CSMD1: variants seen among roughly 807,000 people sequenced by gnomAD.
CSMD1 encodes the protein CUB and Sushi multiple domains 1, also known as CUB and sushi domain-containing protein 1.
CSMD1 carries 213 observed loss-of-function variants against 417.5 expected under a neutral mutation model. The ratio of observed to expected loss-of-function variants is 0.51; its 90% CI spans 0.46 to 0.57. The LOEUF (loss-of-function observed/expected upper bound fraction) is 0.57, where lower values mean the gene tolerates loss of function less well. Among genes scored for constraint, CSMD1 ranks in the 20% least tolerant of loss-of-function variants. The pLI is 0.00. For synonymous variants in CSMD1, 2,862 were observed against 1,736.8 expected (o/e 1.65, Z -16.11); for missense variants, 6,923 against 4,529.7 (o/e 1.53, Z -15.17).
At chr8:3,809,072 G>A (rs936307893) in intron 5 of CSMD1, among the ~76,000 whole-genome samples, 1 of 152,142 alleles carries the variant, frequency 6.6e-6, no homozygotes, top group South Asian at 2.1e-4. Context: ...GGGGAATCAC[G>A]CAGCTTCTAT....
At chr8:4,246,591 G>T (rs971415941) in intron 3 of CSMD1, among the ~76,000 whole-genome samples, 2 of 152,160 alleles carry the variant, frequency 1.3e-5, no homozygotes, top group Admixed American at 6.5e-5. Context: ...TTCTCCTGTA[G>T]AATTTGATAT....
chr8:3,108,477 C>A (rs1238225723), intron 44 of CSMD1, 126 bp downstream of exon 44: 7 of 934,212 alleles, frequency 7.5e-6, no homozygotes, highest in Non-Finnish European at 1.1e-5. Context: ...GCCTCCAGTG[C>A]AAAAGAATCA....
chr8:4,323,811 G>A (rs908063825), intron 3 of CSMD1, among the ~76,000 whole-genome samples: 9 of 152,136 alleles, frequency 5.9e-5, no homozygotes, highest in Non-Finnish European at 1.2e-4. Flanking sequence ...TAAAGGATGG[G>A]CAGCTCCTAA....
intron 5 of CSMD1, among the ~76,000 whole-genome samples, chr8:3,845,499 G>C (rs1178614618): frequency 1.3e-5 from 2 of 152,174 alleles, no homozygotes. Flanking sequence ...TGCTACACCT[G>C]TACAGGGTAC....
At chr8:2,967,675 C>T (rs989401737) in intron 57 of CSMD1, among the ~76,000 whole-genome samples, 1 of 152,164 alleles carries the variant, frequency 6.6e-6, no homozygotes, top group Non-Finnish European at 1.5e-5. Flanking sequence ...TATCATGAGA[C>T]TGCCTCTGAG....
chr8:3,032,289 C>T (rs1029834452), intron 50 of CSMD1, among the ~76,000 whole-genome samples: 23 of 151,976 alleles, frequency 1.5e-4, no homozygotes, highest in Non-Finnish European at 2.2e-4. Flanking sequence ...TACTCTGTGA[C>T]GTAATTTGGG....
At chr8:3,822,695 C>T (rs1481534390) in intron 5 of CSMD1, among the ~76,000 whole-genome samples, 1 of 152,156 alleles carries the variant, frequency 6.6e-6, no homozygotes, top group Non-Finnish European at 1.5e-5. Context: ...CAATGACTTC[C>T]TCCTGGGCAG....
At chr8:4,471,252 T>A (rs1315318826) in intron 2 of CSMD1, among the ~76,000 whole-genome samples, 8 of 152,174 alleles carry the variant, frequency 5.3e-5, no homozygotes, top group Non-Finnish European at 8.8e-5. Context: ...AATGGTGTCC[T>A]ACTTAAAAAA....
rs1563152267 is a variant in CSMD1 at position 3,558,376 on chromosome 8, A to AATG, written c.1344+16568_1344+16569insCAT. Among the ~76,000 whole-genome samples, 773 of 138,826 alleles carry AATG rather than the reference A, an allele frequency of 5.6e-3. 37 individuals are homozygous for AATG. Among genetic ancestry groups the AATG allele is most frequent in the East Asian group, 0.013 (62 of 4,708 alleles). The allele number at this position is 138,826 out of a possible 152,430, so 91.1% of individuals were successfully genotyped here. On this transcript the variant is annotated intron_variant, in intron 10 of 69. Transcript: ENST00000635120. Reference sequence around the variant, plus strand: ...CTCCTCCAATGATGAATGGTGCCTCAGTAGTACCCCGTGTCCACTTCTCCA... The same window carrying AATG: ...CTCCTCCAATGATGAATGGTGCCTCAATGGTAGTACCCCGTGTCCACTTCTCCA...
At chr8:3,705,702 G>C (rs191590065) in intron 7 of CSMD1, among the ~76,000 whole-genome samples, 148 of 152,332 alleles carry the variant, frequency 9.7e-4, no homozygotes, top group African/African-American at 3.4e-3. Context: ...AAAACCCTTA[G>C]TTGGGGAAAG....
intron 3 of CSMD1, among the ~76,000 whole-genome samples, chr8:4,094,007 T>TAGATAGATAGAC (rs1554445870): frequency 1.2e-4 from 18 of 150,942 alleles, no homozygotes; most frequent in Admixed American, 2.0e-4. Flanking sequence ...GATAGATAGA[T>TAGATAGATAGAC]AGATAAAGAA....
intron 5 of CSMD1, among the ~76,000 whole-genome samples, chr8:3,918,048 A>G (rs913899134): frequency 1.3e-5 from 2 of 152,028 alleles, no homozygotes; most frequent in African/African-American, 4.8e-5. Context: ...TTAAGGGGTG[A>G]GTAATATTTC....
rs1423841483 is a variant in CSMD1, at chr8:4,178,161, G to C, written c.416-146062C>G. On this transcript the variant is annotated intron_variant, in intron 3 of 69. Transcript: ENST00000635120. The stretch of plus-strand genomic sequence containing the variant: ...ATTTTAGACCAATATCCTTGATGCA[G>C]ATTGATGCAGAAACCCTCAATACGA... Among the ~76,000 whole-genome samples the C allele has an allele frequency of 1.6e-4, 25 of 152,190 alleles. No individual in the cohort carries two copies. In the South Asian group the frequency reaches 1.9e-3, roughly 11 times the overall value.
chr8:4,841,930 A>AAAAAAAAAAAAAC (rs1192383183), intron 1 of CSMD1, among the ~76,000 whole-genome samples: 1 of 122,426 alleles, frequency 8.2e-6, no homozygotes, highest in African/African-American at 3.3e-5. Context: ...AAAAAAAAAA[A>AAAAAAAAAAAAAC]AAAAAAAAGT....
chr8:4,248,549 T>C (rs546361018), intron 3 of CSMD1, among the ~76,000 whole-genome samples: 20 of 152,326 alleles, frequency 1.3e-4, no homozygotes, highest in African/African-American at 4.6e-4. Flanking sequence ...CATAGACACA[T>C]TCTATTTCTC....
chr8:4,417,809 A>C (rs556611390), intron 3 of CSMD1, among the ~76,000 whole-genome samples: 13 of 151,952 alleles, frequency 8.6e-5, no homozygotes, highest in Non-Finnish European at 1.6e-4. Flanking sequence ...TACATGTACA[A>C]ATTGGTGTAT....
intron 29 of CSMD1, among the ~76,000 whole-genome samples, chr8:3,218,951 A>T (rs1798042807): frequency 6.6e-6 from 1 of 152,202 alleles, no homozygotes; most frequent in African/African-American, 2.4e-5. Context: ...AGGTGTTAAA[A>T]CCCGTCTTAA....
At chr8:4,018,576 C>T (rs775094692) in intron 4 of CSMD1, among the ~76,000 whole-genome samples, 1 of 152,194 alleles carries the variant, frequency 6.6e-6, no homozygotes, top group Non-Finnish European at 1.5e-5. Context: ...CAGAGCCTCT[C>T]CAGGCAACCA....
chr8:3,316,944 G>T (rs955255608), intron 23 of CSMD1, among the ~76,000 whole-genome samples: 15 of 152,174 alleles, frequency 9.9e-5, no homozygotes, highest in African/African-American at 3.1e-4. Flanking sequence ...TTTATTTAGT[G>T]CTGGAAAGGA....
Sources: gnomAD v4.1 joint callset for allele counts (sites outside exome capture counted in the v4.1 genomes callset) on GRCh38, gnomAD v4.1.1 for gene constraint, MANE v1.5 for transcripts, NCBI Gene and HGNC (gene_info 2026-07-23, HGNC 2026-07-21) for gene names.